The following BCHE variants were observed in gnomAD, a reference collection of about 807,000 sequenced individuals.
The protein encoded by BCHE is butyrylcholinesterase, also known as cholinesterase.
A neutral mutation model predicts 51.3 loss-of-function variants in BCHE; 48 were observed. The observed-to-expected ratio is 0.94, with a 90% CI of 0.74 to 1.19. The LOEUF is 1.19. Among genes scored for constraint, BCHE ranks in the 50% most tolerant of loss-of-function variants. BCHE has a pLI of 0.00. For synonymous variants in BCHE, 251 were observed against 238.0 expected (o/e 1.05, Z -0.50); for missense variants, 847 against 708.2 (o/e 1.20, Z -2.23).
intron 1 of BCHE, among the ~76,000 whole-genome samples, chr3:165,836,930 A>G (rs1715211207): frequency 6.6e-6 from 1 of 152,156 alleles, no homozygotes; most frequent in African/African-American, 2.4e-5. Context: ...AGGAAGACTA[A>G]TCAAAGATTA....
intron 3 of BCHE, among the ~76,000 whole-genome samples, chr3:165,774,391 T>C (rs1341597576): frequency 1.3e-5 from 2 of 152,122 alleles, no homozygotes; most frequent in Non-Finnish European, 2.9e-5. Context: ...TGGAGTGCAA[T>C]GGCGCCATCT....
At chr3:165,827,440 TTAATTAATAATTAAA>T (rs1318901673) in intron 2 of BCHE, among the ~76,000 whole-genome samples, 1 of 151,412 alleles carries the variant, frequency 6.6e-6, no homozygotes, top group Non-Finnish European at 1.5e-5. Flanking sequence ...ACCTTATTAA[TTAATTAATAATTAAA>T]TAATTAAGTA....
intron 3 of BCHE, among the ~76,000 whole-genome samples, chr3:165,781,909 TAAAC>T (rs1346053262): frequency 3.3e-5 from 5 of 152,162 alleles, no homozygotes; most frequent in South Asian, 2.1e-4. Flanking sequence ...GGATGAATGA[TAAAC>T]ACACACAGAA....
At chr3:165,824,118 T>C (rs1714635007) in intron 2 of BCHE, among the ~76,000 whole-genome samples, 1 of 151,598 alleles carries the variant, frequency 6.6e-6, no homozygotes, top group Admixed American at 6.6e-5. Flanking sequence ...GAAATTAAAA[T>C]AAACAAAATT....
At chr3:165,822,642 C>A (rs563732714) in intron 2 of BCHE, among the ~76,000 whole-genome samples, 18 of 152,090 alleles carry the variant, frequency 1.2e-4, no homozygotes, top group African/African-American at 4.3e-4. Flanking sequence ...ATGGTTCTCT[C>A]TGAGATTTTA....
At position 165,829,971 on chromosome 3, in the gene BCHE, T is replaced by C. The variant is rs1560022847; in HGVS notation, c.1063A>G (p.Thr355Ala). Reference protein sequence around the residue: ...ILVGVNKDEGTAFLVYGAPGF... With the variant: ...ILVGVNKDEGAAFLVYGAPGF... Reference sequence around the variant, plus strand: ...GGAGCACCATAGACTAAAAAAGCTGTCCCTTCATCTTTATTAACACCCACC... The same window carrying C: ...GGAGCACCATAGACTAAAAAAGCTGCCCCTTCATCTTTATTAACACCCACC... Residue 355 changes from threonine to alanine, a missense_variant, in exon 2 of 4, where the codon ACA becomes GCA. Physicochemically the swap from Thr to Ala is moderately conservative, Grantham distance 58. Transcript: ENST00000264381. 3 of 1,613,806 alleles carry C rather than the reference T, an allele frequency of 1.9e-6. No homozygotes were observed. Among genetic ancestry groups the C allele is most frequent in the Non-Finnish European group, 8.5e-7 (1 of 1,179,906 alleles).
intron 2 of BCHE, among the ~76,000 whole-genome samples, chr3:165,808,502 T>G (rs1292544593): frequency 6.6e-6 from 1 of 152,192 alleles, no homozygotes; most frequent in East Asian, 1.9e-4. Context: ...AATACTTTAG[T>G]CACTTTTATG....
At chr3:165,794,623 A>G (rs887175606) in intron 2 of BCHE, among the ~76,000 whole-genome samples, 3 of 152,170 alleles carry the variant, frequency 2.0e-5, no homozygotes, top group Non-Finnish European at 4.4e-5. Flanking sequence ...TGAGGGCTCT[A>G]CGCTCATCAC....
At chr3:165,781,500 C>T (rs1483381164) in intron 3 of BCHE, among the ~76,000 whole-genome samples, 2 of 151,922 alleles carry the variant, frequency 1.3e-5, no homozygotes, top group Non-Finnish European at 2.9e-5. Context: ...AACAGAAAAC[C>T]GAATACTGCA....
chr3:165,788,704 G>A (rs575146126), intron 2 of BCHE, among the ~76,000 whole-genome samples: 1 of 152,164 alleles, frequency 6.6e-6, no homozygotes, highest in African/African-American at 2.4e-5. Context: ...TGTCTTCTGT[G>A]AATGGCAACG....
At chr3:165,777,262 A>G (rs1443656270) in intron 3 of BCHE, among the ~76,000 whole-genome samples, 1 of 152,006 alleles carries the variant, frequency 6.6e-6, no homozygotes, top group East Asian at 1.9e-4. Flanking sequence ...CCTTATTCAT[A>G]TAACTATGTA....
In BCHE at chr3:165,830,400, C is replaced by A; in HGVS notation, c.634G>T (p.Ala212Ser). Residue 212 changes from alanine to serine, a missense_variant, in exon 2 of 4, where the codon GCC becomes TCC. By Grantham distance (99) the Ala-to-Ser change is moderately conservative. Transcript: ENST00000264381. ...ALQWVQKNIA[A>S]FGGNPKSVTL... ...ACACTTTTAGGATTTCCACCAAAGGCTGCTATATTTTTTTGAACCCACTGA... is the reference window on the plus strand; with the variant it reads ...ACACTTTTAGGATTTCCACCAAAGGATGCTATATTTTTTTGAACCCACTGA... 12 of 1,613,968 alleles carry A rather than the reference C, an allele frequency of 7.4e-6. No homozygotes were observed. The highest frequency in any genetic ancestry group is 1.0e-5 in the Non-Finnish European group (12 of 1,179,924).
At chr3:165,815,934 C>T (rs1714297950) in intron 2 of BCHE, among the ~76,000 whole-genome samples, 1 of 151,924 alleles carries the variant, frequency 6.6e-6, no homozygotes, top group Admixed American at 6.6e-5. Context: ...TGCAATTAGA[C>T]TGTGACCTCT....
chr3:165,804,223 A>G (rs1420017178), intron 2 of BCHE, among the ~76,000 whole-genome samples: 1 of 152,160 alleles, frequency 6.6e-6, no homozygotes, highest in Non-Finnish European at 1.5e-5. Context: ...GGAATGAGAT[A>G]ATTGGGATAG....
chr3:165,813,562 C>T lies in BCHE; in HGVS notation c.1517+15955G>A, dbSNP rs1576859174. On this transcript the variant is annotated intron_variant, in intron 2 of 3. Transcript: ENST00000264381. ...AGTTTATTACAAGCATACTGTGTTA[C>T]AACTGTGATTGAACTTATCATTTCG... 2.6e-5 allele frequency among the ~76,000 whole-genome samples: 4 copies of T among 151,808 alleles called. No homozygotes were observed. In the East Asian group the frequency reaches 7.7e-4, roughly 29 times the overall value.
intron 2 of BCHE, among the ~76,000 whole-genome samples, chr3:165,803,239 A>G (rs1028030265): frequency 6.6e-6 from 1 of 152,216 alleles, no homozygotes; most frequent in Admixed American, 6.5e-5. Flanking sequence ...AGTTGCAAAC[A>G]AAATAAACGA....
intron 3 of BCHE, 115 bp from the exon 4 acceptor site, chr3:165,773,621 C>A (rs1712344685): frequency 1.3e-6 from 1 of 780,510 alleles, no homozygotes; most frequent in African/African-American, 1.8e-5. Flanking sequence ...GCATTATTTT[C>A]TTTATTTATT....
chr3:165,813,821 TAATTA>T (rs1469965667), intron 2 of BCHE, among the ~76,000 whole-genome samples: 4 of 151,952 alleles, frequency 2.6e-5, no homozygotes, highest in African/African-American at 4.8e-5. Context: ...ATAAATAATG[TAATTA>T]AATTAAGAAA....
intron 2 of BCHE, among the ~76,000 whole-genome samples, chr3:165,815,123 T>G (rs1294953585): frequency 2.0e-5 from 3 of 151,202 alleles, no homozygotes; most frequent in Non-Finnish European, 4.4e-5. Context: ...TTTAACTGAA[T>G]GTCCTGTATT....
Sources: gnomAD v4.1 joint callset for allele counts (sites outside exome capture counted in the v4.1 genomes callset) on GRCh38, gnomAD v4.1.1 for gene constraint, MANE v1.5 for transcripts, NCBI Gene and HGNC (gene_info 2026-07-23, HGNC 2026-07-21) for gene names.